The following MRPL37 variants were observed in gnomAD, a reference collection of about 807,000 sequenced individuals.
The protein encoded by MRPL37 is mitochondrial ribosomal protein L37.
In MRPL37, 34 loss-of-function variants were observed where a neutral mutation model predicts 44.1. The ratio of observed to expected loss-of-function variants is 0.77; its 90% CI spans 0.59 to 1.03. The LOEUF is 1.03. Among genes scored for constraint, MRPL37 ranks in the 50% least tolerant of loss-of-function variants. MRPL37 has a pLI of 0.00. For synonymous variants in MRPL37, 212 were observed against 219.5 expected (o/e 0.97, Z 0.30); for missense variants, 532 against 543.7 (o/e 0.98, Z 0.21).
At chr1:54,209,092 C>T (rs34117251) in intron 3 of MRPL37, among the ~76,000 whole-genome samples, 1,934 of 152,292 alleles carry the variant, frequency 0.013, 41 homozygotes, top group African/African-American at 0.044. Context: ...TTTTCCCCAC[C>T]TGTACAATTT....
intron 4 of MRPL37, among the ~76,000 whole-genome samples, chr1:54,210,519 T>G (rs1644156309): frequency 6.6e-6 from 1 of 152,156 alleles, no homozygotes; most frequent in South Asian, 2.1e-4. Flanking sequence ...CTGTTTACCT[T>G]GTAAACTCTG....
At chr1:54,208,413 G>A (rs998833902) in intron 3 of MRPL37, among the ~76,000 whole-genome samples, 4 of 152,056 alleles carry the variant, frequency 2.6e-5, no homozygotes, top group Admixed American at 6.6e-5. Context: ...GCCGGGCATG[G>A]TGATGGGCAC....
chr1:54,214,804 T>G (rs150532954), intron 5 of MRPL37, among the ~76,000 whole-genome samples: 1 of 152,280 alleles, frequency 6.6e-6, no homozygotes, highest in African/African-American at 2.4e-5. Flanking sequence ...GCTGAGAAAT[T>G]TATGTACTAC....
chr1:54,223,255 T>C (rs908466663), downstream of MRPL37, among the ~76,000 whole-genome samples: 1 of 152,172 alleles, frequency 6.6e-6, no homozygotes, highest in African/African-American at 2.4e-5. Flanking sequence ...AACCCCACCC[T>C]GCCCAGCCAC....
chr1:54,205,508 G>C (rs1336561772), intron 3 of MRPL37, 98 bp downstream of exon 3: 2 of 949,282 alleles, frequency 2.1e-6, no homozygotes, highest in East Asian at 4.9e-5. Context: ...CCCAAATACC[G>C]ATCCTTACTC....
At chr1:54,200,916 G>C (rs1470172158) in intron 1 of MRPL37, among the ~76,000 whole-genome samples, 1 of 152,188 alleles carries the variant, frequency 6.6e-6, no homozygotes, top group Non-Finnish European at 1.5e-5. Context: ...GTTTTGACTG[G>C]ACAGTCCACA....
Position 54,200,476 on chromosome 1 carries a change from G to A in MRPL37, c.233G>A (p.Trp78Ter). 6.2e-7 allele frequency: 1 copy of A among 1,614,228 alleles called. No individual in the cohort carries two copies. The highest frequency in any genetic ancestry group is 8.5e-7 in the Non-Finnish European group (1 of 1,180,048). Residue 78 changes from tryptophan (W) to a stop codon, truncating the protein, a stop_gained, in exon 1 of 7, where the codon TGG becomes TAG. Coordinates refer to ENST00000360840, the MANE Select transcript of MRPL37 (RefSeq NM_016491.4). LOFTEE classifies it high-confidence loss of function. Reference protein sequence around the residue: ...PWLARPIFPPWDRGYKDPRFY... With the variant: ...PWLARPIFPP ...CTGGCGCGGCCGATCTTTCCGCCCT[G>A]GGACCGCGGCTACAAGGACCCAAGG...
chr1:54,216,930 C>CATTTT (rs3058960), intron 6 of MRPL37, among the ~76,000 whole-genome samples: 152,139 of 152,198 alleles, frequency 1, 76,041 homozygotes, highest in Middle Eastern at 1. Flanking sequence ...GGGATGCATT[C>CATTTT]GTTTCATCCC....
chr1:54,211,775 G>A (rs1644167304), intron 4 of MRPL37, among the ~76,000 whole-genome samples: 1 of 152,216 alleles, frequency 6.6e-6, no homozygotes, highest in South Asian at 2.1e-4. Context: ...TTACCGGCAT[G>A]AGCCACCATG....
chr1:54,209,725 C>T lies in MRPL37; in HGVS notation c.647-221C>T, dbSNP rs1459768632. Among the ~76,000 whole-genome samples the T allele has an allele frequency of 2.0e-5, 3 of 152,126 alleles. No homozygotes were observed. In the East Asian group the frequency reaches 5.8e-4, roughly 29 times the overall value. ...CCACCCGCCTCAGCCTCCCAAAGTGCTGGGATTACAGGCGTGAGCCTACCA... is the reference window on the plus strand; with the variant it reads ...CCACCCGCCTCAGCCTCCCAAAGTGTTGGGATTACAGGCGTGAGCCTACCA... On this transcript the variant is annotated intron_variant, in intron 3 of 6. Transcript: ENST00000360840.
At chr1:54,205,792 A>G (rs1440691408) in intron 3 of MRPL37, among the ~76,000 whole-genome samples, 1 of 152,170 alleles carries the variant, frequency 6.6e-6, no homozygotes, top group African/African-American at 2.4e-5. Flanking sequence ...CGTCTTCCAA[A>G]TCCATTTTCA....
chr1:54,216,750 A>G (rs1644200671), intron 6 of MRPL37, among the ~76,000 whole-genome samples: 1 of 152,040 alleles, frequency 6.6e-6, no homozygotes, highest in Non-Finnish European at 1.5e-5. Context: ...ACTTCTGACC[A>G]CCACCGTCCC....
chr1:54,219,938 G>A (rs537223810), downstream of MRPL37, among the ~76,000 whole-genome samples: 10 of 152,314 alleles, frequency 6.6e-5, no homozygotes, highest in African/African-American at 2.4e-4. Context: ...ATGGCAGTCC[G>A]GGTTGTTTCC....
intron 1 of MRPL37, among the ~76,000 whole-genome samples, chr1:54,203,477 T>TTTC (rs1644099107): frequency 6.9e-6 from 1 of 144,784 alleles, no homozygotes; most frequent in African/African-American, 2.6e-5. Flanking sequence ...CTTTTTTTTT[T>TTTC]TTTTTTTTTT....
chr1:54,210,235 G>A (rs1265131182), intron 4 of MRPL37, 104 bp downstream of exon 4: 7 of 1,116,952 alleles, frequency 6.3e-6, no homozygotes, highest in South Asian at 1.5e-5. Context: ...TAGGCACCTC[G>A]TGTGTATTAC....
intron 6 of MRPL37, among the ~76,000 whole-genome samples, chr1:54,217,224 G>A (rs540739860): frequency 6.6e-5 from 10 of 152,192 alleles, no homozygotes; most frequent in Non-Finnish European, 1.5e-4. Flanking sequence ...CAGCAGGTCC[G>A]TTCTTGAACT....
At chr1:54,205,735 G>T (rs1300597772) in intron 3 of MRPL37, among the ~76,000 whole-genome samples, 3 of 152,184 alleles carry the variant, frequency 2.0e-5, no homozygotes, top group Non-Finnish European at 2.9e-5. Flanking sequence ...CCCTCACAAT[G>T]CTCATATTCT....
intron 4 of MRPL37, among the ~76,000 whole-genome samples, chr1:54,210,482 A>G (rs981049946): frequency 2.6e-5 from 4 of 151,830 alleles, no homozygotes; most frequent in Non-Finnish European, 4.4e-5. Context: ...TTCTTTATTC[A>G]TAGGTCCCAT....
At chr1:54,213,707 C>T (rs1477521073) in intron 5 of MRPL37, among the ~76,000 whole-genome samples, 1 of 152,234 alleles carries the variant, frequency 6.6e-6, no homozygotes, top group Non-Finnish European at 1.5e-5. Context: ...CAGCGATCAG[C>T]GTTTTAACAA....
Sources: gnomAD v4.1 joint callset for allele counts (sites outside exome capture counted in the v4.1 genomes callset) on GRCh38, gnomAD v4.1.1 for gene constraint, MANE v1.5 for transcripts, NCBI Gene and HGNC (gene_info 2026-07-23, HGNC 2026-07-21) for gene names.